MED27: variants seen among roughly 807,000 people sequenced by gnomAD.
MED27 encodes mediator of RNA polymerase II transcription subunit 27.
In MED27, 30 loss-of-function variants were observed where a neutral mutation model predicts 38.2. That is an observed-to-expected ratio of 0.79 (90% CI 0.59 to 1.07). The LOEUF (loss-of-function observed/expected upper bound fraction) is 1.07, where lower values mean the gene tolerates loss of function less well. Among genes scored for constraint, MED27 ranks in the 50% least tolerant of loss-of-function variants. The pLI is 0.00. For synonymous variants in MED27, 122 were observed against 153.5 expected (o/e 0.79, Z 1.52); for missense variants, 289 against 397.5 (o/e 0.73, Z 2.32).
intron 3 of MED27, among the ~76,000 whole-genome samples, chr9:131,943,789 C>T (rs1028391129): frequency 1.3e-5 from 2 of 152,112 alleles, no homozygotes; most frequent in Non-Finnish European, 2.9e-5. Context: ...AGAAGGCTTT[C>T]GAAAATGGAG....
At chr9:131,866,387 C>T (rs1838736774) in intron 6 of MED27, among the ~76,000 whole-genome samples, 2 of 152,268 alleles carry the variant, frequency 1.3e-5, no homozygotes, top group South Asian at 4.1e-4. Context: ...GCACCTCCTC[C>T]AGCATTTTTG....
chr9:132,073,588 A>G (rs762346356), intron 2 of MED27: 111 of 1,403,268 alleles, frequency 7.9e-5, no homozygotes, highest in Non-Finnish European at 9.7e-5. Flanking sequence ...AAAAACAGAA[A>G]AGAGCACCTT....
In MED27 at chr9:132,051,414, A is replaced by G. The variant is rs1833462799; in HGVS notation, c.348+26028T>C. On this transcript the variant is annotated intron_variant, in intron 2 of 7. Transcript: ENST00000292035. This position sits in a 1 kb window ranked among gnomAD's most constrained non-coding sequence, Gnocchi z 4.2. The stretch of plus-strand genomic sequence containing the variant: ...AGGGCTTGTCTTGGCCACAGAGTCC[A>G]AGGCTCCCTGTCTCAGAGGCTCTAC... 1.3e-5 allele frequency among the ~76,000 whole-genome samples: 2 copies of G among 152,216 alleles called. No individual in the cohort carries two copies. Among genetic ancestry groups the G allele is most frequent in the South Asian group, 4.1e-4 (2 of 4,830 alleles).
intron 2 of MED27, among the ~76,000 whole-genome samples, chr9:132,042,957 T>C (rs796140372): frequency 5.9e-5 from 9 of 152,252 alleles, no homozygotes; most frequent in African/African-American, 2.2e-4. Context: ...TACACAGATA[T>C]CCCATAGACC....
intron 6 of MED27, chr9:131,868,960 G>A (rs929089344): frequency 4.5e-5 from 44 of 985,388 alleles, no homozygotes; most frequent in Middle Eastern, 5.2e-4. Context: ...CCTGCTGGGC[G>A]TCTGGCTCAC....
At chr9:131,869,974 G>A (rs992918146) in intron 6 of MED27, among the ~76,000 whole-genome samples, 8 of 152,290 alleles carry the variant, frequency 5.3e-5, no homozygotes, top group African/African-American at 1.9e-4. Context: ...GGAGCTTAGG[G>A]AGGGAGTAGG....
intron 2 of MED27, among the ~76,000 whole-genome samples, chr9:132,042,188 G>A (rs531808499): frequency 1.3e-5 from 2 of 152,178 alleles, no homozygotes; most frequent in Non-Finnish European, 2.9e-5. Context: ...TACAAATGAA[G>A]AGGCTGGCTT....
At chr9:131,990,839 G>C (rs1232360574) in intron 3 of MED27, among the ~76,000 whole-genome samples, 2 of 152,204 alleles carry the variant, frequency 1.3e-5, no homozygotes, top group Admixed American at 1.3e-4. Context: ...AAATCACCAG[G>C]AACAGTATTC....
rs988801242 is a variant in MED27 at position 131,900,560 on chromosome 9, T to C, written c.574-6568A>G. On this transcript the variant is annotated intron_variant, in intron 4 of 7. Transcript: ENST00000292035. ...CCCAGAACTCGTGTAGGGGGAAAAGTGCTTTGAAACTGAGCGGTATCTGCA... is the reference window on the plus strand; with the variant it reads ...CCCAGAACTCGTGTAGGGGGAAAAGCGCTTTGAAACTGAGCGGTATCTGCA... 5.9e-5 allele frequency among the ~76,000 whole-genome samples: 9 copies of C among 151,896 alleles called. 1 individual carries two copies. The South Asian group carries it at 1.9e-3, about 32-fold the overall frequency.
At chr9:131,970,434 G>A (rs1258355526) in intron 3 of MED27, among the ~76,000 whole-genome samples, 4 of 152,330 alleles carry the variant, frequency 2.6e-5, no homozygotes, top group South Asian at 2.1e-4. Flanking sequence ...CTCTCTCCAC[G>A]GAAGAGCCCT....
At chr9:131,916,758 T>A (rs916617355) in intron 4 of MED27, among the ~76,000 whole-genome samples, 1 of 152,138 alleles carries the variant, frequency 6.6e-6, no homozygotes, top group Non-Finnish European at 1.5e-5. Flanking sequence ...CCGGTTACCA[T>A]CTTCCTAAAG....
intron 6 of MED27, among the ~76,000 whole-genome samples, chr9:131,870,316 GACC>G: frequency 6.6e-6 from 1 of 152,308 alleles, no homozygotes; most frequent in South Asian, 2.1e-4. Context: ...TGAGCTGTGT[GACC>G]TTGGGCGAGG....
intron 2 of MED27, among the ~76,000 whole-genome samples, chr9:132,022,808 C>T (rs1459651144): frequency 1.3e-5 from 2 of 152,110 alleles, no homozygotes; most frequent in African/African-American, 2.4e-5. Context: ...CACATGGCGG[C>T]AGGAGAAAGA....
chr9:132,038,215 G>A (rs571698211), intron 2 of MED27, among the ~76,000 whole-genome samples: 6 of 118,512 alleles, frequency 5.1e-5, no homozygotes, highest in Non-Finnish European at 1.0e-4. Flanking sequence ...TTTTTGAGAC[G>A]GAGTCTCGCT....
intron 3 of MED27, among the ~76,000 whole-genome samples, chr9:131,979,048 A>G (rs1301855895): frequency 6.6e-6 from 1 of 152,192 alleles, no homozygotes; most frequent in Admixed American, 6.5e-5. Context: ...AGCTACAACT[A>G]CCTGGTGACA....
chr9:132,026,782 A>T (rs929560621), intron 2 of MED27, among the ~76,000 whole-genome samples: 7 of 152,236 alleles, frequency 4.6e-5, no homozygotes, highest in Non-Finnish European at 7.3e-5. Context: ...TCAATAAAAA[A>T]AAAAATAATA....
At chr9:132,075,714 T>C (rs1169292643) in intron 2 of MED27, among the ~76,000 whole-genome samples, 4 of 152,216 alleles carry the variant, frequency 2.6e-5, no homozygotes, top group African/African-American at 7.2e-5. Flanking sequence ...CTGAATCTTC[T>C]CACCACTGAA....
intron 6 of MED27, among the ~76,000 whole-genome samples, chr9:131,867,137 T>C (rs574025099): frequency 1.8e-4 from 28 of 152,344 alleles, no homozygotes; most frequent in African/African-American, 6.7e-4. Flanking sequence ...GTCTAGTGCC[T>C]GATGCAGAGG....
At chr9:131,903,082 G>A (rs902190680) in intron 4 of MED27, among the ~76,000 whole-genome samples, 1 of 103,516 alleles carries the variant, frequency 9.7e-6, no homozygotes, top group Admixed American at 1.0e-4. Flanking sequence ...TGGTGGCCAC[G>A]GGTGTATTAG....
Sources: allele counts gnomAD v4.1 joint callset (sites outside exome capture counted in the v4.1 genomes callset), GRCh38; gene constraint gnomAD v4.1.1; non-coding constraint Gnocchi (gnomAD v3.1); transcripts MANE v1.5; gene names NCBI Gene and HGNC (gene_info 2026-07-23, HGNC 2026-07-21).